Variants in ZBTB7C observed in about 807,000 individuals in gnomAD.
ZBTB7C encodes the protein zinc finger and BTB domain-containing protein 7C.
A neutral mutation model predicts 25.7 loss-of-function variants in ZBTB7C; 8 were observed. That is an observed-to-expected ratio of 0.31 (90% CI 0.18 to 0.56). ZBTB7C has a LOEUF of 0.56. Among genes scored for constraint, ZBTB7C ranks in the 20% least tolerant of loss-of-function variants. The pLI is 0.91. For synonymous variants in ZBTB7C, 394 were observed against 369.0 expected (o/e 1.07, Z -0.78); for missense variants, 824 against 855.2 (o/e 0.96, Z 0.46).
intron 3 of ZBTB7C, among the ~76,000 whole-genome samples, chr18:48,086,088 C>T (rs1452707382): frequency 6.6e-6 from 1 of 152,196 alleles, no homozygotes; most frequent in Non-Finnish European, 1.5e-5. Context: ...AGGTCCCCAC[C>T]TTCGTCATGA....
chr18:48,263,130 A>G (rs150230801), intron 2 of ZBTB7C, among the ~76,000 whole-genome samples: 1 of 152,222 alleles, frequency 6.6e-6, no homozygotes, highest in African/African-American at 2.4e-5. Context: ...AAACACCATA[A>G]AAGTTCCTGT....
chr18:48,167,048 C>T (rs2041272683), intron 3 of ZBTB7C, among the ~76,000 whole-genome samples: 1 of 152,154 alleles, frequency 6.6e-6, no homozygotes, highest in African/African-American at 2.4e-5. Context: ...TGCTGCCCTT[C>T]TACCCAAGCT....
At chr18:48,265,804 C>G (rs1477318216) in intron 2 of ZBTB7C, among the ~76,000 whole-genome samples, 1 of 152,184 alleles carries the variant, frequency 6.6e-6, no homozygotes, top group Non-Finnish European at 1.5e-5. Context: ...AAACTGCTCA[C>G]AGACTGCAGG....
At chr18:48,284,812 CAGAG>C (rs778352743) in intron 2 of ZBTB7C, among the ~76,000 whole-genome samples, 13,656 of 109,090 alleles carry the variant, frequency 0.13, 752 homozygotes, top group African/African-American at 0.19. Flanking sequence ...AAAAAAAAAA[CAGAG>C]AGAGAGAGAG....
rs542068261 is a variant in ZBTB7C at position 48,297,209 on chromosome 18, T to C, written c.-79+40965A>G. On this transcript the variant is annotated intron_variant, in intron 2 of 4. Coordinates refer to ENST00000590800, the MANE Select transcript of ZBTB7C (RefSeq NM_001318841.2). ...ACCCAAGATGCCCTGGACCTTGGAT[T>C]TATTTTTTATTTTACATTGTTGTTT... Among the ~76,000 whole-genome samples, 3 of 152,352 alleles carry C rather than the reference T, an allele frequency of 2.0e-5. No individual in the cohort carries two copies. In the South Asian group the frequency reaches 6.2e-4, roughly 32 times the overall value.
At chr18:48,168,211 C>T (rs569468485) in intron 3 of ZBTB7C, among the ~76,000 whole-genome samples, 20 of 152,328 alleles carry the variant, frequency 1.3e-4, no homozygotes, top group African/African-American at 3.1e-4. Context: ...CTGGGCCTTT[C>T]GGTCAGAGGC....
At chr18:48,392,051 T>C (rs911030655) in intron 1 of ZBTB7C, among the ~76,000 whole-genome samples, 9 of 152,222 alleles carry the variant, frequency 5.9e-5, no homozygotes, top group African/African-American at 2.2e-4. Context: ...AAGGGAGAGC[T>C]TGGCTTTCTG....
upstream of ZBTB7C, among the ~76,000 whole-genome samples, chr18:48,410,291 C>A (rs897717548): frequency 2.0e-5 from 3 of 152,198 alleles, no homozygotes; most frequent in Non-Finnish European, 4.4e-5. Flanking sequence ...CCCGGAGTCC[C>A]CACCCCTCTG....
chr18:48,138,439 T>A (rs1253778810), intron 3 of ZBTB7C, among the ~76,000 whole-genome samples: 1 of 152,196 alleles, frequency 6.6e-6, no homozygotes, highest in Non-Finnish European at 1.5e-5. Context: ...TCTCTCTCTG[T>A]GGTTCCCTCT....
chr18:48,326,095 C>CTTTTT (rs34725749), intron 2 of ZBTB7C, among the ~76,000 whole-genome samples: 10 of 126,166 alleles, frequency 7.9e-5, no homozygotes, highest in East Asian at 2.4e-4. Context: ...CTACCAACAT[C>CTTTTT]TTTTTTTTTT....
intron 1 of ZBTB7C, among the ~76,000 whole-genome samples, chr18:48,355,073 TG>T (rs2046946529): frequency 6.6e-6 from 1 of 152,198 alleles, no homozygotes; most frequent in South Asian, 2.1e-4. Context: ...TACTGGGCCC[TG>T]GAGAAGAGAG....
At chr18:48,149,488 T>C (rs2040605239) in intron 3 of ZBTB7C, 1 of 152,204 alleles carries the variant, frequency 6.6e-6, no homozygotes, top group African/African-American at 2.4e-5. Flanking sequence ...CCACAGCCCT[T>C]CCCCATCTAG....
chr18:48,184,137 C>T (rs1265189237), intron 3 of ZBTB7C, among the ~76,000 whole-genome samples: 1 of 152,152 alleles, frequency 6.6e-6, no homozygotes, highest in African/African-American at 2.4e-5. Context: ...AGCACCATAA[C>T]CACCTTCCTG....
At chr18:48,058,627 G>A (rs2037008636) in intron 3 of ZBTB7C, among the ~76,000 whole-genome samples, 1 of 152,194 alleles carries the variant, frequency 6.6e-6, no homozygotes, top group Admixed American at 6.5e-5. Flanking sequence ...GTGGCAGCCA[G>A]CCTCCGGAAT....
chr18:48,142,355 C>T (rs1400982442), intron 3 of ZBTB7C, among the ~76,000 whole-genome samples: 5 of 152,138 alleles, frequency 3.3e-5, no homozygotes, highest in East Asian at 1.9e-4. Flanking sequence ...GGAGACCAGC[C>T]GGTGCTTGTC....
chr18:48,290,302 T>C (rs1193927250), intron 2 of ZBTB7C, among the ~76,000 whole-genome samples: 2 of 152,192 alleles, frequency 1.3e-5, no homozygotes, highest in Non-Finnish European at 2.9e-5. Context: ...TGCCCCAGCC[T>C]CAGTCCCACC....
At chr18:48,140,892 T>C (rs2040321761) in intron 3 of ZBTB7C, among the ~76,000 whole-genome samples, 1 of 152,102 alleles carries the variant, frequency 6.6e-6, no homozygotes, top group South Asian at 2.1e-4. Context: ...CTGCTGCCCT[T>C]GGCGGAGCCT....
intron 2 of ZBTB7C, among the ~76,000 whole-genome samples, chr18:48,283,039 A>G (rs2044919952): frequency 6.6e-6 from 1 of 152,238 alleles, no homozygotes; most frequent in Non-Finnish European, 1.5e-5. Context: ...GGAAAAGGAA[A>G]AAACTGATGA....
chr18:48,341,862 G>A (rs1285302050), intron 1 of ZBTB7C, among the ~76,000 whole-genome samples: 2 of 152,222 alleles, frequency 1.3e-5, no homozygotes, highest in East Asian at 1.9e-4. Context: ...TGGAGATGTT[G>A]AGGGGGAGAT....
Sources: allele counts gnomAD v4.1 joint callset (sites outside exome capture counted in the v4.1 genomes callset), GRCh38; gene constraint gnomAD v4.1.1; transcripts MANE v1.5; gene names NCBI Gene and HGNC (gene_info 2026-07-23, HGNC 2026-07-21).